UNC13C: variants seen among roughly 807,000 people sequenced by gnomAD.
UNC13C encodes the protein protein unc-13 homolog C.
Under a neutral mutation model 245.4 loss-of-function variants are expected in UNC13C, and 174 were observed. That is an observed-to-expected ratio of 0.71 (90% CI 0.63 to 0.80). UNC13C has a LOEUF of 0.80. Among genes scored for constraint, UNC13C ranks in the 30% least tolerant of loss-of-function variants. The pLI, the probability that UNC13C is intolerant of heterozygous loss-of-function variation, is 0.00. For missense variants in UNC13C, 2,829 were observed against 2,602.9 expected (o/e 1.09, Z -1.89); for synonymous variants, 992 against 895.1 (o/e 1.11, Z -1.93).
the UNC13C span, among the ~76,000 whole-genome samples, chr15:53,933,891 A>G: frequency 6.6e-6 from 1 of 152,228 alleles, no homozygotes; most frequent in Non-Finnish European, 1.5e-5. Flanking sequence ...GCATTGCTAT[A>G]ACAAAATACC....
intron 17 of UNC13C, among the ~76,000 whole-genome samples, chr15:54,388,264 A>T (rs2039879403): frequency 6.6e-6 from 1 of 152,130 alleles, no homozygotes; most frequent in Admixed American, 6.6e-5. Flanking sequence ...TCAAATATTT[A>T]AATCTCATTC....
chr15:54,598,387 G>A (rs750723623), intron 30 of UNC13C, among the ~76,000 whole-genome samples: 49 of 152,160 alleles, frequency 3.2e-4, no homozygotes, highest in Admixed American at 1.4e-3. Context: ...GAGCCACCGC[G>A]CCCAGCCTGA....
At chr15:54,098,778 T>G (rs545070791) in intron 2 of UNC13C, among the ~76,000 whole-genome samples, 1 of 152,206 alleles carries the variant, frequency 6.6e-6, no homozygotes, top group Admixed American at 6.5e-5. Context: ...AGAAAGTCAG[T>G]GTTTTCTTTC....
At chr15:53,849,710 T>C in the UNC13C span, among the ~76,000 whole-genome samples, 2 of 152,182 alleles carry the variant, frequency 1.3e-5, no homozygotes, top group African/African-American at 2.4e-5. Flanking sequence ...CCCATTCTTT[T>C]CCACAAAATG....
chr15:54,472,421 G>T (rs1398894679), intron 19 of UNC13C, among the ~76,000 whole-genome samples: 1 of 151,464 alleles, frequency 6.6e-6, no homozygotes, highest in Admixed American at 6.6e-5. Flanking sequence ...TTTTGGATTT[G>T]ACTTTTCTTT....
intron 2 of UNC13C, among the ~76,000 whole-genome samples, chr15:54,098,323 T>C (rs892934237): frequency 6.6e-6 from 1 of 152,224 alleles, no homozygotes; most frequent in African/African-American, 2.4e-5. Flanking sequence ...TACAGGCAAG[T>C]GCCACCACGC....
At chr15:54,000,727 G>C (rs1894846952) in intron 1 of UNC13C, among the ~76,000 whole-genome samples, 1 of 152,078 alleles carries the variant, frequency 6.6e-6, no homozygotes, top group Non-Finnish European at 1.5e-5. Context: ...AAATGAGTTA[G>C]CAACACCTAA....
In UNC13C at chr15:54,143,050, C is replaced by T; in HGVS notation, c.3006+10C>T. The T allele has an allele frequency of 3.7e-6, 6 of 1,609,108 alleles. No homozygotes were observed. The highest frequency in any genetic ancestry group is 4.2e-6 in the Non-Finnish European group (5 of 1,177,332). On this transcript the variant is annotated intron_variant, in intron 3 of 32. Transcript: ENST00000260323. ...TTCTGTGGATGAAAAGGTTTTAAATCATACTTATTCTTCCCTCCTGAGGAA... is the reference window on the plus strand; with the variant it reads ...TTCTGTGGATGAAAAGGTTTTAAATTATACTTATTCTTCCCTCCTGAGGAA...
At chr15:53,976,460 TCTC>T (rs1893700445), upstream of UNC13C, among the ~76,000 whole-genome samples, 1 of 97,666 alleles carries the variant, frequency 1.0e-5, no homozygotes, top group Non-Finnish European at 2.0e-5. Flanking sequence ...TTCTTCTTTC[TCTC>T]TCTCTCTCTC....
At chr15:54,164,358 A>G (rs1275754710) in intron 4 of UNC13C, among the ~76,000 whole-genome samples, 4 of 152,208 alleles carry the variant, frequency 2.6e-5, no homozygotes, top group African/African-American at 7.2e-5. Context: ...AATGTAATAA[A>G]TTGTATATAA....
intron 29 of UNC13C, among the ~76,000 whole-genome samples, chr15:54,559,149 C>G (rs1313578983): frequency 1.3e-5 from 2 of 152,008 alleles, no homozygotes; most frequent in African/African-American, 4.8e-5. Flanking sequence ...AATCAGGACC[C>G]TCTAGAAATC....
chr15:54,397,007 T>G (rs2140923472), intron 18 of UNC13C, among the ~76,000 whole-genome samples: 1 of 151,472 alleles, frequency 6.6e-6, no homozygotes, highest in South Asian at 2.1e-4. Flanking sequence ...AAGAGCATAG[T>G]TATTGCGCAT....
intron 17 of UNC13C, among the ~76,000 whole-genome samples, chr15:54,340,482 C>A (rs746244450): frequency 6.6e-6 from 1 of 152,128 alleles, no homozygotes; most frequent in Non-Finnish European, 1.5e-5. Flanking sequence ...AGATGAAGAT[C>A]CAGTTTCATT....
intron 30 of UNC13C, 78 bp from the exon 31 acceptor site, chr15:54,622,248 GT>G (rs748047242): frequency 4.7e-5 from 45 of 947,382 alleles, no homozygotes; most frequent in Non-Finnish European, 7.3e-5. Flanking sequence ...TACATTTTAT[GT>G]TTTTTATGCA....
At chr15:54,333,950 C>G in intron 16 of UNC13C, 94 bp downstream of exon 16, 2 of 835,142 alleles carry the variant, frequency 2.4e-6, no homozygotes, top group Non-Finnish European at 4.0e-6. Flanking sequence ...TGATCAAGTA[C>G]TGTGTTAACT....
chr15:54,450,662 G>A (rs191970359), intron 19 of UNC13C, among the ~76,000 whole-genome samples: 12 of 152,276 alleles, frequency 7.9e-5, no homozygotes, highest in Admixed American at 2.6e-4. Flanking sequence ...TTCCAGGTGC[G>A]GTCTGTCACA....
At chr15:54,307,710 C>T (rs1197374932) in intron 13 of UNC13C, among the ~76,000 whole-genome samples, 1 of 151,940 alleles carries the variant, frequency 6.6e-6, no homozygotes, top group Non-Finnish European at 1.5e-5. Context: ...CAACTTCTGT[C>T]TTCCTCTAAA....
the UNC13C span, among the ~76,000 whole-genome samples, chr15:53,853,747 A>T: frequency 2.0e-5 from 3 of 152,326 alleles, no homozygotes; most frequent in East Asian, 5.8e-4. Flanking sequence ...ATTGTCAGTG[A>T]TGATGAGCCT....
At chr15:54,130,143 G>A (rs188757658) in intron 2 of UNC13C, among the ~76,000 whole-genome samples, 61 of 151,650 alleles carry the variant, frequency 4.0e-4, no homozygotes, top group Middle Eastern at 3.4e-3. Flanking sequence ...ATGCTTAAAA[G>A]TTTTCAAATG....
Sources: allele counts gnomAD v4.1 joint callset (sites outside exome capture counted in the v4.1 genomes callset), GRCh38; gene constraint gnomAD v4.1.1; transcripts MANE v1.5; gene names NCBI Gene and HGNC (gene_info 2026-07-23, HGNC 2026-07-21).